RGS7BP: variants seen among roughly 807,000 people sequenced by gnomAD.
RGS7BP encodes regulator of G protein signaling 7 binding protein.
Under a neutral mutation model 31.3 loss-of-function variants are expected in RGS7BP, and 9 were observed. The observed-to-expected ratio is 0.29, with a 90% CI of 0.17 to 0.50. The LOEUF (loss-of-function observed/expected upper bound fraction) is 0.50, where lower values mean the gene tolerates loss of function less well. RGS7BP is among the 20% of genes least tolerant of loss of function. The pLI is 0.98. For missense variants in RGS7BP, 274 were observed against 322.0 expected (o/e 0.85, Z 1.14); for synonymous variants, 115 against 120.1 (o/e 0.96, Z 0.28).
chr5:64,521,156 T>G (rs1749098232), intron 2 of RGS7BP, among the ~76,000 whole-genome samples: 1 of 152,244 alleles, frequency 6.6e-6, no homozygotes, highest in Non-Finnish European at 1.5e-5. Context: ...TTAGTGGGTC[T>G]AATTTTGAAG....
intron 2 of RGS7BP, among the ~76,000 whole-genome samples, chr5:64,511,611 T>A (rs1748837405): frequency 6.6e-6 from 1 of 152,176 alleles, no homozygotes; most frequent in African/African-American, 2.4e-5. Context: ...GTCCTGCCTT[T>A]TGGACTTCCT....
At chr5:64,531,781 A>G (rs941868253) in intron 2 of RGS7BP, among the ~76,000 whole-genome samples, 2 of 152,218 alleles carry the variant, frequency 1.3e-5, no homozygotes, top group African/African-American at 2.4e-5. Flanking sequence ...TTTTGAGCGT[A>G]TGTTGCTATG....
At chr5:64,521,403 T>C (rs1292550762) in intron 2 of RGS7BP, among the ~76,000 whole-genome samples, 1 of 152,102 alleles carries the variant, frequency 6.6e-6, no homozygotes, top group Non-Finnish European at 1.5e-5. Context: ...ACTACAGGCA[T>C]GCGCCACCAC....
chr5:64,565,825 C>T (rs1742155948), intron 2 of RGS7BP, among the ~76,000 whole-genome samples: 1 of 152,022 alleles, frequency 6.6e-6, no homozygotes, highest in African/African-American at 2.4e-5. Flanking sequence ...CTTCTGTTTG[C>T]ATAAAGCATG....
chr5:64,561,131 G>A (rs889413965), intron 2 of RGS7BP, among the ~76,000 whole-genome samples: 1 of 152,020 alleles, frequency 6.6e-6, no homozygotes, highest in Non-Finnish European at 1.5e-5. Context: ...TAGCCTGATG[G>A]TCCTCCTGTG....
chr5:64,589,296 A>G (rs1742844930), intron 3 of RGS7BP, among the ~76,000 whole-genome samples: 1 of 150,692 alleles, frequency 6.6e-6, no homozygotes, highest in South Asian at 2.1e-4. Context: ...ACTCTGTCTC[A>G]AAAAAAAACA....
rs1232970446 is a variant in RGS7BP, at chr5:64,515,559, G to A, written c.332+7682G>A. On this transcript the variant is annotated intron_variant, in intron 2 of 5. Transcript: ENST00000334025. ...TTCTTTAAACTTCTAGGCCCTGAGA[G>A]TTTGGTTGTGTCTTATCCCAGAAAG... Among the ~76,000 whole-genome samples the A allele has an allele frequency of 2.0e-5, 3 of 152,224 alleles. No homozygotes were observed. In the East Asian group the frequency reaches 5.8e-4, roughly 29 times the overall value.
chr5:64,593,431 G>C (rs1310486803), intron 3 of RGS7BP, among the ~76,000 whole-genome samples: 1 of 152,134 alleles, frequency 6.6e-6, no homozygotes, highest in Non-Finnish European at 1.5e-5. Flanking sequence ...AACAATCACA[G>C]CAGGATTAGG....
intron 5 of RGS7BP, among the ~76,000 whole-genome samples, chr5:64,601,066 A>C (rs893057109): frequency 1.3e-5 from 2 of 152,210 alleles, no homozygotes; most frequent in Non-Finnish European, 2.9e-5. Context: ...TACAGGGTAA[A>C]ATGTGGAAAA....
rs77901274 is a variant in RGS7BP, at chr5:64,547,254, G to A, written c.333-28520G>A. ...TTCAGTTCTCTTAGGTAAATATCTA[G>A]AAACAAAATTCTGGAGCATAGGGTT... is the stretch of plus-strand genomic sequence containing the variant. On this transcript the variant is annotated intron_variant, in intron 2 of 5. Transcript: ENST00000334025. Among the ~76,000 whole-genome samples the A allele has an allele frequency of 2.8e-3, 432 of 152,248 alleles. 19 individuals are homozygous for A. In the East Asian group the frequency reaches 0.074, roughly 26 times the overall value.
intron 2 of RGS7BP, among the ~76,000 whole-genome samples, chr5:64,509,435 A>G (rs1268761291): frequency 6.6e-6 from 1 of 152,172 alleles, no homozygotes. Flanking sequence ...GGAGGAATGA[A>G]CAAGGAGTTC....
At chr5:64,573,001 A>C (rs1742335252) in intron 2 of RGS7BP, among the ~76,000 whole-genome samples, 1 of 114,204 alleles carries the variant, frequency 8.8e-6, no homozygotes, top group Admixed American at 1.3e-4. Flanking sequence ...CCAGAGTGTG[A>C]TGTTCCCCTT....
At chr5:64,595,121 C>A (rs1457883281) in intron 4 of RGS7BP, among the ~76,000 whole-genome samples, 1 of 152,182 alleles carries the variant, frequency 6.6e-6, no homozygotes, top group Non-Finnish European at 1.5e-5. Context: ...GCCTCTGCTT[C>A]TCCCACTCCA....
intron 2 of RGS7BP, among the ~76,000 whole-genome samples, chr5:64,516,426 G>C (rs1211570128): frequency 2.0e-5 from 3 of 152,026 alleles, no homozygotes; most frequent in Non-Finnish European, 4.4e-5. Context: ...ATCCCCTCAG[G>C]CCATCAGCTG....
chr5:64,571,566 T>G (rs1382731279), intron 2 of RGS7BP, among the ~76,000 whole-genome samples: 1 of 152,156 alleles, frequency 6.6e-6, no homozygotes, highest in Non-Finnish European at 1.5e-5. Flanking sequence ...TTGCTCCACA[T>G]CACCACCAAC....
rs182086793 is a variant in RGS7BP at position 64,551,324 on chromosome 5, G to A, written c.333-24450G>A. Among the ~76,000 whole-genome samples the A allele has an allele frequency of 6.1e-4, 91 of 149,462 alleles. 2 individuals are homozygous for A. The highest frequency in any genetic ancestry group is 1.7e-3 in the African/African-American group (67 of 40,278). ...GTCTCCCAGCCTGGAGTGCAGTGGC[G>A]CAATCTTGGCTCACTGCAACCTCTG... On this transcript the variant is annotated intron_variant, in intron 2 of 5. Coordinates refer to ENST00000334025, the MANE Select transcript of RGS7BP (RefSeq NM_001029875.3).
chr5:64,598,291 C>CG, intron 4 of RGS7BP, 74 bp from the exon 5 acceptor site: 2 of 852,564 alleles, frequency 2.3e-6, no homozygotes, highest in South Asian at 2.7e-5. Flanking sequence ...TCAGTTGTCT[C>CG]ATATAACAGA....
At chr5:64,526,509 A>G (rs1354041167) in intron 2 of RGS7BP, among the ~76,000 whole-genome samples, 2 of 152,124 alleles carry the variant, frequency 1.3e-5, no homozygotes, top group South Asian at 2.1e-4. Context: ...CTAATTTGCA[A>G]TCTCTGGCCT....
At chr5:64,565,139 T>C (rs932850391) in intron 2 of RGS7BP, among the ~76,000 whole-genome samples, 1 of 152,130 alleles carries the variant, frequency 6.6e-6, no homozygotes. Context: ...GACTTTATTA[T>C]GAATAACTTC....
Sources: gnomAD v4.1 joint callset for allele counts (sites outside exome capture counted in the v4.1 genomes callset) on GRCh38, gnomAD v4.1.1 for gene constraint, MANE v1.5 for transcripts, NCBI Gene and HGNC (gene_info 2026-07-23, HGNC 2026-07-21) for gene names.